ZFHX3: variants seen among roughly 807,000 people sequenced by gnomAD.
ZFHX3 encodes the protein zinc finger homeobox 3.
Under a neutral mutation model 279.1 loss-of-function variants are expected in ZFHX3, and 42 were observed. The ratio of observed to expected loss-of-function variants is 0.15; its 90% CI spans 0.12 to 0.19. ZFHX3 has a LOEUF of 0.19. Ranked by LOEUF, ZFHX3 falls within the 10% of genes least tolerant of loss-of-function variation. The pLI, the probability that ZFHX3 is intolerant of heterozygous loss-of-function variation, is 1.00. For synonymous variants in ZFHX3, 2,293 were observed against 1,957.8 expected, an observed-to-expected ratio of 1.17 and a Z score of -4.52; for missense variants, 4,981 against 4,754.0, an observed-to-expected ratio of 1.05 and a Z score of -1.40.
At chr16:73,362,858 C>G (rs900780366) in intron 3 of ZFHX3, among the ~76,000 whole-genome samples, 1 of 152,214 alleles carries the variant, frequency 6.6e-6, no homozygotes, top group Non-Finnish European at 1.5e-5. Context: ...AAACTCCTGG[C>G]AGCTTTGTAT....
intron 3 of ZFHX3, among the ~76,000 whole-genome samples, chr16:73,362,321 T>C (rs987711628): frequency 1.3e-5 from 2 of 152,176 alleles, no homozygotes; most frequent in African/African-American, 4.8e-5. Flanking sequence ...AATCTCCTTA[T>C]CCTGGGGCAG....
chr16:73,159,609 G>A (rs942436823), intron 5 of ZFHX3, among the ~76,000 whole-genome samples: 1 of 152,156 alleles, frequency 6.6e-6, no homozygotes, highest in Non-Finnish European at 1.5e-5. Flanking sequence ...AGCCAACTCA[G>A]ACTCGGAGAA....
At chr16:73,206,784 G>A (rs561898715) in intron 5 of ZFHX3, among the ~76,000 whole-genome samples, 2 of 152,172 alleles carry the variant, frequency 1.3e-5, no homozygotes, top group African/African-American at 2.4e-5. Context: ...TTGAGAGGCC[G>A]AGGCGGGTGG....
chr16:73,293,111 C>T (rs1220040723), intron 4 of ZFHX3, among the ~76,000 whole-genome samples: 1 of 152,124 alleles, frequency 6.6e-6, no homozygotes, highest in Non-Finnish European at 1.5e-5. Flanking sequence ...TGTTTTAGAC[C>T]AACCTACCAG....
intron 8 of ZFHX3, among the ~76,000 whole-genome samples, chr16:73,068,963 T>G (rs1211350331): frequency 6.6e-6 from 1 of 152,182 alleles, no homozygotes; most frequent in African/African-American, 2.4e-5. Context: ...GCACTGCGGG[T>G]ACTGACCACC....
intron 1 of ZFHX3, among the ~76,000 whole-genome samples, chr16:73,010,383 G>T (rs184217707): frequency 2.0e-5 from 3 of 152,184 alleles, no homozygotes; most frequent in African/African-American, 7.2e-5. Context: ...AGGAAAACCC[G>T]CTGGCCTTTG....
At chr16:73,020,739 GGGTAAAGTCA>G (rs1457521320) in intron 1 of ZFHX3, among the ~76,000 whole-genome samples, 2 of 152,188 alleles carry the variant, frequency 1.3e-5, no homozygotes, top group Non-Finnish European at 2.9e-5. Context: ...ACTGGTTTAA[GGGTAAAGTCA>G]GGGAGGCACG....
At chr16:73,548,613 AT>A in intron 2 of ZFHX3, among the ~76,000 whole-genome samples, 1 of 150,232 alleles carries the variant, frequency 6.7e-6, no homozygotes, top group Middle Eastern at 3.4e-3. Flanking sequence ...AAATATGTAC[AT>A]TTTTTTAAAA....
intron 5 of ZFHX3, among the ~76,000 whole-genome samples, chr16:73,227,848 C>CAAAAAAAAA (rs398029895): frequency 1.1e-4 from 5 of 46,064 alleles, no homozygotes; most frequent in South Asian, 1.4e-3. Context: ...GATTCTGTCT[C>CAAAAAAAAA]AAAAAAAAAA....
rs184011200 is a variant in ZFHX3 at position 73,644,125 on chromosome 16, C to A, written c.-1547+36055G>T. ...TTCTCTTTTTCTGCTTGGTCTTTGA[C>A]CTAGGTGGTTCTGGAATTCTGATTT... On this transcript the variant is annotated intron_variant, in intron 2 of 17. Transcript: ENST00000641206. Among the ~76,000 whole-genome samples the A allele has an allele frequency of 8.5e-5, 13 of 152,158 alleles. No individual in the cohort carries two copies. The East Asian group carries it at 2.5e-3, about 29-fold the overall frequency.
At chr16:73,648,616 T>C (rs986371292) in intron 2 of ZFHX3, among the ~76,000 whole-genome samples, 3 of 152,184 alleles carry the variant, frequency 2.0e-5, no homozygotes, top group South Asian at 4.1e-4. Context: ...TTCACCACGT[T>C]GGCCAGGCTG....
intron 1 of ZFHX3, among the ~76,000 whole-genome samples, chr16:73,806,748 C>A (rs550960589): frequency 6.6e-6 from 1 of 152,296 alleles, no homozygotes; most frequent in Admixed American, 6.5e-5. Flanking sequence ...AAATGTTACA[C>A]TTTTTAAAAA....
At chr16:73,656,320 C>A in intron 2 of ZFHX3, among the ~76,000 whole-genome samples, 1 of 152,198 alleles carries the variant, frequency 6.6e-6, no homozygotes, top group East Asian at 1.9e-4. Context: ...AATGTTGACC[C>A]CCCAAAAAAG....
intron 5 of ZFHX3, among the ~76,000 whole-genome samples, chr16:73,165,648 G>A (rs1042625566): frequency 1.3e-5 from 2 of 152,170 alleles, no homozygotes; most frequent in Admixed American, 1.3e-4. Flanking sequence ...ATGGCAAATC[G>A]CTGGAGTCTT....
At chr16:73,436,418 A>G (rs1597335070) in intron 3 of ZFHX3, among the ~76,000 whole-genome samples, 1 of 152,152 alleles carries the variant, frequency 6.6e-6, no homozygotes, top group East Asian at 1.9e-4. Flanking sequence ...ATGGCAGCAG[A>G]CAAGAGAGAA....
intron 1 of ZFHX3, among the ~76,000 whole-genome samples, chr16:73,735,999 C>T (rs1417846517): frequency 1.3e-5 from 2 of 151,912 alleles, no homozygotes; most frequent in African/African-American, 4.8e-5. Flanking sequence ...CCTAGCTCCC[C>T]CAGGGTACTA....
At position 72,959,771 on chromosome 16, in the gene ZFHX3, G is replaced by A. The variant is rs763877232; in HGVS notation, c.375C>T (p.Asp125=). The change falls in exon 2 of 10, where the codon GAC becomes GAT. Residue 125 remains aspartate, a synonymous_variant. Transcript: ENST00000268489. The part of the protein sequence containing the change: ...DTGEEGDEES[D]VENLAGEIVY... ...CGATCTCCCCGGCCAGGTTCTCCAC[G>A]TCACTCTCCTCGTCCCCCTCCTCAC... The A allele has an allele frequency of 1.6e-4, 262 of 1,606,946 alleles. 6 individuals carry two copies. The South Asian group carries it at 2.1e-3, about 13-fold the overall frequency.
intron 5 of ZFHX3, among the ~76,000 whole-genome samples, chr16:73,254,715 C>A (rs564674563): frequency 6.6e-6 from 1 of 152,194 alleles, no homozygotes; most frequent in African/African-American, 2.4e-5. Context: ...ATGTTTTTGT[C>A]TCATAGAAAT....
intron 4 of ZFHX3, among the ~76,000 whole-genome samples, chr16:72,873,734 T>C (rs775825704): frequency 6.6e-6 from 1 of 152,306 alleles, no homozygotes; most frequent in African/African-American, 2.4e-5. Flanking sequence ...ATCAGTGCTG[T>C]CTTCATATAG....
Sources: gnomAD v4.1 joint callset for allele counts (sites outside exome capture counted in the v4.1 genomes callset) on GRCh38, gnomAD v4.1.1 for gene constraint, MANE v1.5 for transcripts, NCBI Gene and HGNC (gene_info 2026-07-23, HGNC 2026-07-21) for gene names.